Variants in CHRM3 observed in about 807,000 individuals in gnomAD.
The protein encoded by CHRM3 is cholinergic receptor muscarinic 3.
CHRM3 carries 11 observed loss-of-function variants against 41.8 expected under a neutral mutation model. The ratio of observed to expected loss-of-function variants is 0.26; its 90% CI spans 0.17 to 0.44. The LOEUF is 0.44. CHRM3 is among the 20% of genes least tolerant of loss of function. The pLI, the probability that CHRM3 is intolerant of heterozygous loss-of-function variation, is 1.00. For synonymous variants in CHRM3, 297 were observed against 301.4 expected (o/e 0.99, Z 0.15); for missense variants, 571 against 745.4 (o/e 0.77, Z 2.72).
intron 4 of CHRM3, among the ~76,000 whole-genome samples, chr1:239,662,858 C>G (rs1241776145): frequency 1.3e-5 from 1 of 76,160 alleles, no homozygotes; most frequent in Non-Finnish European, 2.9e-5. Flanking sequence ...TCTTCCTTCT[C>G]CTTCTCCTTT....
chr1:239,419,263 T>G (rs2103088987), intron 1 of CHRM3, among the ~76,000 whole-genome samples: 1 of 152,302 alleles, frequency 6.6e-6, no homozygotes, highest in African/African-American at 2.4e-5. Flanking sequence ...AATTTGCTGA[T>G]TTGACTTGAT....
intron 5 of CHRM3, among the ~76,000 whole-genome samples, chr1:239,715,496 A>C (rs149251635): frequency 0.01 from 1,555 of 152,276 alleles, 9 homozygotes; most frequent in Non-Finnish European, 0.016. Context: ...GGAAGAATGC[A>C]GAAGGCATTC....
rs530044113 is a variant in CHRM3, at chr1:239,573,056, A to G, written c.-313+27307A>G. 6.6e-5 allele frequency among the ~76,000 whole-genome samples: 10 copies of G among 152,250 alleles called. No individual in the cohort carries two copies. In the South Asian group the frequency reaches 2.1e-3, roughly 32 times the overall value. On this transcript the variant is annotated intron_variant, in intron 3 of 6. Coordinates refer to ENST00000676153, the MANE Select transcript of CHRM3 (RefSeq NM_001375978.1). ...CATTTGGAGGGTTTGGCCCTACCCT[A>G]GTACTTAGGTGTACACATAGTACGG...
chr1:239,681,838 A>G (rs917425901), intron 5 of CHRM3, among the ~76,000 whole-genome samples: 4 of 152,210 alleles, frequency 2.6e-5, no homozygotes, highest in African/African-American at 9.6e-5. Context: ...GTTTAAGATG[A>G]CAGCGAGCTA....
At chr1:239,620,183 G>A (rs1427053568) in intron 3 of CHRM3, among the ~76,000 whole-genome samples, 1 of 152,148 alleles carries the variant, frequency 6.6e-6, no homozygotes, top group African/African-American at 2.4e-5. Context: ...ACTAAATGGA[G>A]CGTGTAGTAG....
At chr1:239,777,318 T>C (rs631873) in intron 5 of CHRM3, among the ~76,000 whole-genome samples, 130,418 of 152,154 alleles carry the variant, frequency 0.86, 56,153 homozygotes, top group African/African-American at 0.9. Context: ...ATTTTGATTT[T>C]GGAACAACGT....
chr1:239,419,833 C>T (rs1448418470), intron 1 of CHRM3, among the ~76,000 whole-genome samples: 1 of 152,190 alleles, frequency 6.6e-6, no homozygotes, highest in East Asian at 1.9e-4. Context: ...TCGAGGGAAC[C>T]ATCAAACTGA....
chr1:239,413,010 G>A (rs1661221534), intron 1 of CHRM3, among the ~76,000 whole-genome samples: 1 of 151,738 alleles, frequency 6.6e-6, no homozygotes, highest in African/African-American at 2.4e-5. Flanking sequence ...CCCGGGAGGT[G>A]GAGGTTACAG....
chr1:239,899,682 C>T (rs1398034385), intron 6 of CHRM3: 1 of 151,870 alleles, frequency 6.6e-6, no homozygotes, highest in Non-Finnish European at 1.5e-5. Flanking sequence ...TATAAGTACA[C>T]TAAGTATATC....
At chr1:239,423,257 A>G (rs774813570) in intron 1 of CHRM3, among the ~76,000 whole-genome samples, 5 of 152,226 alleles carry the variant, frequency 3.3e-5, no homozygotes, top group Non-Finnish European at 5.9e-5. Flanking sequence ...CAGGTGTGCA[A>G]TGATGATCCT....
At chr1:239,445,760 C>T (rs1664078751) in intron 1 of CHRM3, among the ~76,000 whole-genome samples, 1 of 152,076 alleles carries the variant, frequency 6.6e-6, no homozygotes, top group Admixed American at 6.6e-5. Flanking sequence ...TATCATCATC[C>T]ATCCATTGAG....
intron 1 of CHRM3, among the ~76,000 whole-genome samples, chr1:239,411,098 T>A (rs1459775850): frequency 6.6e-6 from 1 of 152,220 alleles, no homozygotes; most frequent in Admixed American, 6.5e-5. Flanking sequence ...TAAGCTTTTG[T>A]AATGCTTTAG....
chr1:239,572,071 G>A (rs1316903936), intron 3 of CHRM3, among the ~76,000 whole-genome samples: 1 of 152,164 alleles, frequency 6.6e-6, no homozygotes, highest in Non-Finnish European at 1.5e-5. Context: ...GAAAGTTACA[G>A]TACTCCCCAT....
chr1:239,386,847 G>A lies in CHRM3; in HGVS notation c.-901G>A, dbSNP rs1263837586. On this transcript the variant is annotated 5_prime_UTR_variant, in exon 1 of 7. Coordinates refer to ENST00000676153, the MANE Select transcript of CHRM3 (RefSeq NM_001375978.1). ...GGCCGGAGCGTGCAGGGGAGCACAG[G>A]GCGCGGGGGCGGCACTGCCGAGCCG... is the stretch of plus-strand genomic sequence containing the variant. 6.6e-6 allele frequency: 1 copy of A among 152,076 alleles called. No homozygotes were observed. Among genetic ancestry groups the A allele is most frequent in the Non-Finnish European group, 1.5e-5 (1 of 68,016 alleles). The allele number at this position is 152,076 out of a possible 1,614,324, so 9.4% of individuals were successfully genotyped here.
chr1:239,776,223 C>T (rs938049465), intron 5 of CHRM3, among the ~76,000 whole-genome samples: 2 of 152,156 alleles, frequency 1.3e-5, no homozygotes, highest in African/African-American at 4.8e-5. Flanking sequence ...GATTTGAATA[C>T]AGCCTCCATG....
At chr1:239,762,940 A>G (rs1666918305) in intron 5 of CHRM3, among the ~76,000 whole-genome samples, 1 of 152,226 alleles carries the variant, frequency 6.6e-6, no homozygotes, top group Admixed American at 6.5e-5. Context: ...AGAATGGCAG[A>G]GTATAATTGT....
At chr1:239,596,941 G>A (rs1664846726) in intron 3 of CHRM3, among the ~76,000 whole-genome samples, 2 of 152,114 alleles carry the variant, frequency 1.3e-5, no homozygotes, top group Admixed American at 6.6e-5. Context: ...GTCTGTGGAA[G>A]CAGAAGAGAG....
chr1:239,762,686 T>C (rs552101696), intron 5 of CHRM3, among the ~76,000 whole-genome samples: 1 of 152,264 alleles, frequency 6.6e-6, no homozygotes, highest in African/African-American at 2.4e-5. Context: ...GATACCAAAA[T>C]CCAAAAGGAA....
At chr1:239,401,189 G>A (rs1029134821) in intron 1 of CHRM3, among the ~76,000 whole-genome samples, 1 of 152,104 alleles carries the variant, frequency 6.6e-6, no homozygotes, top group South Asian at 2.1e-4. Flanking sequence ...ACATGGAACC[G>A]GGCTGAATAA....
Sources: allele counts gnomAD v4.1 joint callset (sites outside exome capture counted in the v4.1 genomes callset), GRCh38; gene constraint gnomAD v4.1.1; transcripts MANE v1.5; gene names NCBI Gene and HGNC (gene_info 2026-07-23, HGNC 2026-07-21).